Variants in EXOC4 observed in about 807,000 individuals in gnomAD.
EXOC4 encodes the protein exocyst complex component 4.
In EXOC4, 71 loss-of-function variants were observed where a neutral mutation model predicts 107.2. That is an observed-to-expected ratio of 0.66 (90% CI 0.55 to 0.81). The LOEUF (loss-of-function observed/expected upper bound fraction) is 0.81. EXOC4 is among the 30% of genes least tolerant of loss of function. The pLI is 0.00. For synonymous variants in EXOC4, 456 were observed against 441.2 expected (o/e 1.03, Z -0.42); for missense variants, 1,108 against 1,189.6 (o/e 0.93, Z 1.01).
chr7:134,072,543 G>A, the EXOC4 span, among the ~76,000 whole-genome samples: 1 of 152,136 alleles, frequency 6.6e-6, no homozygotes, highest in African/African-American at 2.4e-5. Context: ...GAATGGCCAG[G>A]GGAGGTCAGA....
chr7:133,594,561 C>T (rs1368425115), intron 9 of EXOC4, among the ~76,000 whole-genome samples: 2 of 126,894 alleles, frequency 1.6e-5, no homozygotes, highest in African/African-American at 5.9e-5. Context: ...ATGGCGTGAT[C>T]TTGGCTCACT....
intron 5 of EXOC4, among the ~76,000 whole-genome samples, chr7:133,343,515 G>A (rs1447582922): frequency 6.6e-6 from 1 of 151,822 alleles, no homozygotes; most frequent in Non-Finnish European, 1.5e-5. Context: ...GGGCTCAAGC[G>A]ATCATCCCAC....
At chr7:133,685,503 T>C (rs1039502817) in intron 10 of EXOC4, among the ~76,000 whole-genome samples, 1 of 152,152 alleles carries the variant, frequency 6.6e-6, no homozygotes, top group African/African-American at 2.4e-5. Context: ...TCTTGGGCAG[T>C]TTTTTATAGT....
chr7:134,073,180 T>C, the EXOC4 span, among the ~76,000 whole-genome samples: 2 of 108,112 alleles, frequency 1.8e-5, no homozygotes, highest in Non-Finnish European at 1.7e-5. Flanking sequence ...CACTCCAGCC[T>C]GGGCAACAGA....
chr7:133,415,690 A>G (rs1407608682), intron 7 of EXOC4, among the ~76,000 whole-genome samples: 1 of 152,198 alleles, frequency 6.6e-6, no homozygotes, highest in East Asian at 1.9e-4. Context: ...TTCTTAAATA[A>G]CAAAGGGCAT....
chr7:133,895,874 A>G, intron 12 of EXOC4, 139 bp downstream of exon 12: 1 of 881,648 alleles, frequency 1.1e-6, no homozygotes, highest in East Asian at 2.6e-5. Context: ...CATCATGGAA[A>G]TAGCCTCCTA....
intron 13 of EXOC4, among the ~76,000 whole-genome samples, chr7:133,933,489 T>A (rs553586188): frequency 6.6e-6 from 1 of 152,296 alleles, no homozygotes; most frequent in East Asian, 1.9e-4. Context: ...ACCTCTGAGT[T>A]TCTGTTACTT....
chr7:133,852,412 A>G (rs1008683991), intron 11 of EXOC4, among the ~76,000 whole-genome samples: 16 of 152,094 alleles, frequency 1.1e-4, no homozygotes, highest in African/African-American at 3.9e-4. Flanking sequence ...GTATCCCTTT[A>G]GTTGAAAGAA....
At chr7:133,624,164 C>A (rs1169096099) in intron 9 of EXOC4, among the ~76,000 whole-genome samples, 1 of 152,176 alleles carries the variant, frequency 6.6e-6, no homozygotes, top group Non-Finnish European at 1.5e-5. Context: ...AATCAGGACA[C>A]ATTAAAAATG....
intron 5 of EXOC4, among the ~76,000 whole-genome samples, chr7:133,341,131 A>G (rs1014374324): frequency 2.6e-5 from 4 of 151,930 alleles, no homozygotes; most frequent in African/African-American, 7.2e-5. Flanking sequence ...TAGATTGTCT[A>G]TTTGTGCTCT....
intron 10 of EXOC4, among the ~76,000 whole-genome samples, chr7:133,807,656 G>A (rs2551007): frequency 0.87 from 131,981 of 152,188 alleles, 57,388 homozygotes; most frequent in East Asian, 0.99. Context: ...GATAAAACCA[G>A]AATTCCAGAC....
chr7:133,401,462 A>C (rs1584887225), intron 7 of EXOC4, among the ~76,000 whole-genome samples: 1 of 151,928 alleles, frequency 6.6e-6, no homozygotes, highest in Non-Finnish European at 1.5e-5. Context: ...GGAATTCAAG[A>C]CCAGCCTGTG....
chr7:133,933,441 G>C (rs559290261), intron 13 of EXOC4, among the ~76,000 whole-genome samples: 1 of 152,258 alleles, frequency 6.6e-6, no homozygotes, highest in East Asian at 1.9e-4. Flanking sequence ...GCTCCTGGCT[G>C]TGTCAGATCA....
chr7:133,838,111 T>C (rs1000079507), intron 11 of EXOC4, among the ~76,000 whole-genome samples: 4 of 152,192 alleles, frequency 2.6e-5, no homozygotes, highest in Admixed American at 6.5e-5. Context: ...AATTTTCCTG[T>C]TACACAGGGA....
In EXOC4 at chr7:134,048,061, T is replaced by C. The variant is rs144304927; in HGVS notation, c.2688-16230T>C. Among the ~76,000 whole-genome samples, 958 of 152,320 alleles carry C rather than the reference T, an allele frequency of 6.3e-3. 6 individuals are homozygous for C. The highest frequency in any genetic ancestry group is 0.011 in the Non-Finnish European group (739 of 68,020). On this transcript the variant is annotated intron_variant, in intron 17 of 17. Coordinates refer to ENST00000253861, the MANE Select transcript of EXOC4 (RefSeq NM_021807.4). ...GAGTCACAGATGAAATCATAGGGAATTGAAGCTGTTCTCTTGCACTGAGAC... is the reference window on the plus strand; with the variant it reads ...GAGTCACAGATGAAATCATAGGGAACTGAAGCTGTTCTCTTGCACTGAGAC...
intron 9 of EXOC4, among the ~76,000 whole-genome samples, chr7:133,594,491 G>GTTTTTTTT (rs1302445068): frequency 4.2e-5 from 1 of 23,676 alleles, no homozygotes; most frequent in African/African-American, 1.7e-4. Context: ...ATAAGCTTGA[G>GTTTTTTTT]TCTTTTTTTT....
At chr7:133,562,601 A>G (rs1800830723) in intron 9 of EXOC4, among the ~76,000 whole-genome samples, 1 of 152,232 alleles carries the variant, frequency 6.6e-6, no homozygotes, top group Non-Finnish European at 1.5e-5. Context: ...AAGTGTGTGA[A>G]GACCTGGAAA....
At chr7:134,024,406 G>A (rs936705541) in intron 17 of EXOC4, among the ~76,000 whole-genome samples, 9 of 151,414 alleles carry the variant, frequency 5.9e-5, no homozygotes, top group Admixed American at 6.6e-5. Context: ...AGCCGAGATC[G>A]CGCCACTGCA....
At chr7:133,744,297 T>A (rs920983773) in intron 10 of EXOC4, among the ~76,000 whole-genome samples, 2 of 152,124 alleles carry the variant, frequency 1.3e-5, no homozygotes, top group African/African-American at 4.8e-5. Context: ...ACTCTGCCCC[T>A]CATCACCGCT....
Sources: gnomAD v4.1 joint callset for allele counts (sites outside exome capture counted in the v4.1 genomes callset) on GRCh38, gnomAD v4.1.1 for gene constraint, MANE v1.5 for transcripts, NCBI Gene and HGNC (gene_info 2026-07-23, HGNC 2026-07-21) for gene names.